The following ELAVL4 variants were observed in gnomAD, a reference collection of about 807,000 sequenced individuals.
ELAVL4 encodes ELAV-like protein 4.
ELAVL4 carries 1 observed loss-of-function variant against 35.6 expected under a neutral mutation model. That is an observed-to-expected ratio of 0.03 (90% confidence interval 0.01 to 0.13). The LOEUF (loss-of-function observed/expected upper bound fraction) is 0.13, where lower values mean the gene tolerates loss of function less well. Ranked by LOEUF, ELAVL4 falls within the 10% of genes least tolerant of loss-of-function variation. ELAVL4 has a pLI of 1.00. For missense variants in ELAVL4, 267 were observed against 464.9 expected (o/e 0.57, Z 3.91); for synonymous variants, 156 against 171.0 (o/e 0.91, Z 0.69).
At chr1:50,159,138 C>A (rs190591512) in intron 2 of ELAVL4, among the ~76,000 whole-genome samples, 1 of 152,134 alleles carries the variant, frequency 6.6e-6, no homozygotes, top group Admixed American at 6.5e-5. Flanking sequence ...GTTTGGGGAC[C>A]AGATCCCCCA....
intron 2 of ELAVL4, among the ~76,000 whole-genome samples, chr1:50,170,894 G>T (rs1033968860): frequency 3.3e-5 from 5 of 152,118 alleles, no homozygotes; most frequent in Non-Finnish European, 7.4e-5. Flanking sequence ...TTAGCCAGGT[G>T]TGGTGGCATG....
chr1:50,075,906 C>CTT (rs1664741028), intron 1 of ELAVL4, among the ~76,000 whole-genome samples: 1 of 152,122 alleles, frequency 6.6e-6, no homozygotes, highest in East Asian at 1.9e-4. Flanking sequence ...CGGCTCGCTG[C>CTT]AACCTCCACC....
Position 50,160,193 on chromosome 1 carries a change from C to G in ELAVL4, c.250+14996C>G, listed in dbSNP as rs558092510. On this transcript the variant is annotated intron_variant, in intron 2 of 6. Transcript: ENST00000371824. Reference sequence around the variant, plus strand: ...CACTCCTTCATTTTCACATCTGCCACGTACTTGACTCCATGTAATGAAGCT... The same window carrying G: ...CACTCCTTCATTTTCACATCTGCCAGGTACTTGACTCCATGTAATGAAGCT... Among the ~76,000 whole-genome samples the G allele has an allele frequency of 5.6e-4, 85 of 152,296 alleles. 1 individual carries two copies. Among genetic ancestry groups the G allele is most frequent in the African/African-American group, 1.9e-3 (78 of 41,562 alleles).
chr1:50,186,312 C>A (rs913145692), intron 3 of ELAVL4, among the ~76,000 whole-genome samples: 1 of 151,862 alleles, frequency 6.6e-6, no homozygotes, highest in South Asian at 2.1e-4. Flanking sequence ...TTTTTGAGCT[C>A]TTGCCCTGAT....
Position 50,183,755 on chromosome 1 carries a change from G to T in ELAVL4, c.354+6563G>T, listed in dbSNP as rs184545320. Among the ~76,000 whole-genome samples the T allele has an allele frequency of 1.1e-4, 17 of 152,144 alleles. No individual in the cohort carries two copies. In the East Asian group the frequency reaches 2.1e-3, roughly 19 times the overall value. On this transcript the variant is annotated intron_variant, in intron 3 of 6. Transcript: ENST00000371824. ...CTGCCTTGCTAAGGGCCTCCATTCC[G>T]CTGAGGCATCTTTTCTTTGCATTCG...
At position 50,170,348 on chromosome 1, in the gene ELAVL4, C is replaced by CA. The variant is rs528567292; in HGVS notation, c.251-6736dup. Among the ~76,000 whole-genome samples the CA allele has an allele frequency of 7.7e-3, 1,176 of 152,198 alleles. 2 individuals carry two copies. The highest frequency in any genetic ancestry group is 0.014 in the Admixed American group (213 of 15,268). On this transcript the variant is annotated intron_variant, in intron 2 of 6. Coordinates refer to ENST00000371824, the MANE Select transcript of ELAVL4 (RefSeq NM_001144774.3). The stretch of plus-strand genomic sequence containing the variant: ...AAAGTAAGAATGTAAATTCTGGGGA[C>CA]AAAAAGAAATAGCATATACCAAGAA...
intron 1 of ELAVL4, among the ~76,000 whole-genome samples, chr1:50,136,657 A>G (rs1482552321): frequency 6.6e-6 from 1 of 152,226 alleles, no homozygotes; most frequent in Admixed American, 6.5e-5. Context: ...GTTTGCAATC[A>G]GTACATTCCT....
chr1:50,135,335 A>G (rs1325157134), intron 1 of ELAVL4, among the ~76,000 whole-genome samples: 1 of 152,208 alleles, frequency 6.6e-6, no homozygotes, highest in Non-Finnish European at 1.5e-5. Flanking sequence ...CATTTATACC[A>G]GGAAAAGGAC....
intron 1 of ELAVL4, among the ~76,000 whole-genome samples, chr1:50,124,531 G>GT (rs536979379): frequency 2.8e-4 from 43 of 152,164 alleles, no homozygotes; most frequent in African/African-American, 9.4e-4. Context: ...AACCTAGTTT[G>GT]TTTCATTCCA....
chr1:50,163,593 G>A (rs550394770), intron 2 of ELAVL4, among the ~76,000 whole-genome samples: 6 of 152,128 alleles, frequency 3.9e-5, no homozygotes, highest in Non-Finnish European at 7.3e-5. Context: ...TTGGGAGGTC[G>A]AGGCGGCAGA....
chr1:50,097,240 A>G (rs1334199776), intron 1 of ELAVL4, among the ~76,000 whole-genome samples: 1 of 151,588 alleles, frequency 6.6e-6, no homozygotes, highest in Non-Finnish European at 1.5e-5. Context: ...AAAAAACAAA[A>G]CCTCTCGTGA....
chr1:50,175,618 C>CATTTTGGGTT (rs1277796443), intron 2 of ELAVL4: 1 of 152,194 alleles, frequency 6.6e-6, no homozygotes, highest in Non-Finnish European at 1.5e-5. Context: ...ATGGAAGTGT[C>CATTTTGGGTT]ATTTTGGGTT....
At chr1:50,158,293 T>C (rs1676105968) in intron 2 of ELAVL4, among the ~76,000 whole-genome samples, 1 of 152,142 alleles carries the variant, frequency 6.6e-6, no homozygotes, top group South Asian at 2.1e-4. Context: ...TCACACAGCT[T>C]CTAAGTGGCA....
intron 1 of ELAVL4, among the ~76,000 whole-genome samples, chr1:50,080,848 C>G (rs74078439): frequency 9.6e-4 from 146 of 152,192 alleles, no homozygotes; most frequent in African/African-American, 3.3e-3. Context: ...AATTCGTGGA[C>G]TAGTTGGAGG....
At chr1:50,147,937 G>A (rs1674026435) in intron 2 of ELAVL4, among the ~76,000 whole-genome samples, 1 of 152,182 alleles carries the variant, frequency 6.6e-6, no homozygotes, top group African/African-American at 2.4e-5. Flanking sequence ...TCTGTTGATA[G>A]CCTTACCAGC....
At chr1:50,173,863 A>G (rs1188183941) in intron 2 of ELAVL4, among the ~76,000 whole-genome samples, 1 of 152,208 alleles carries the variant, frequency 6.6e-6, no homozygotes, top group African/African-American at 2.4e-5. Context: ...AGTAATAAAA[A>G]GATATTATTT....
intron 1 of ELAVL4, among the ~76,000 whole-genome samples, chr1:50,091,452 G>A (rs529833791): frequency 5.9e-5 from 9 of 152,248 alleles, no homozygotes; most frequent in African/African-American, 1.9e-4. Flanking sequence ...CCATTCTGTC[G>A]ATGGTGGCCA....
intron 1 of ELAVL4, among the ~76,000 whole-genome samples, chr1:50,088,943 T>C (rs143421138): frequency 6.6e-6 from 1 of 152,276 alleles, no homozygotes; most frequent in African/African-American, 2.4e-5. Context: ...GGCTTGGCAA[T>C]TGTTCTTTGC....
chr1:50,134,126 AACTT>A (rs1671501572), intron 1 of ELAVL4, among the ~76,000 whole-genome samples: 1 of 152,182 alleles, frequency 6.6e-6, no homozygotes, highest in Non-Finnish European at 1.5e-5. Context: ...GTGTGCATAA[AACTT>A]AATTTCAGAG....
Sources: allele counts gnomAD v4.1 joint callset (sites outside exome capture counted in the v4.1 genomes callset), GRCh38; gene constraint gnomAD v4.1.1; transcripts MANE v1.5; gene names NCBI Gene and HGNC (gene_info 2026-07-23, HGNC 2026-07-21).